Variants in TUSC3 observed in about 807,000 individuals in gnomAD.
TUSC3 encodes dolichyl-diphosphooligosaccharide--protein glycosyltransferase subunit TUSC3.
A neutral mutation model predicts 44.8 loss-of-function variants in TUSC3; 45 were observed. The observed-to-expected ratio is 1.00, with a 90% CI of 0.79 to 1.29. The LOEUF is 1.29. Ranked by LOEUF, TUSC3 falls within the 50% of genes most tolerant of loss-of-function variation. The pLI is 0.00. For synonymous variants in TUSC3, 212 were observed against 152.9 expected, an observed-to-expected ratio of 1.39 and a Z score of -2.85; for missense variants, 519 against 437.9, an observed-to-expected ratio of 1.19 and a Z score of -1.65.
At chr8:15,712,817 G>C (rs1809911479) in intron 6 of TUSC3, among the ~76,000 whole-genome samples, 1 of 152,050 alleles carries the variant, frequency 6.6e-6, no homozygotes, top group Non-Finnish European at 1.5e-5. Flanking sequence ...CACTTTAGAT[G>C]ACCTTATTTC....
intron 2 of TUSC3, among the ~76,000 whole-genome samples, chr8:15,514,160 C>A (rs1333646826): frequency 1.3e-5 from 2 of 152,112 alleles, no homozygotes; most frequent in Non-Finnish European, 2.9e-5. Context: ...ATTTACGCCG[C>A]ATTATTTAAG....
the TUSC3 span, among the ~76,000 whole-genome samples, chr8:15,831,306 C>T: frequency 1.3e-5 from 2 of 152,268 alleles, no homozygotes; most frequent in Admixed American, 1.3e-4. Context: ...ATCCAAAGGT[C>T]ATCAACTTCA....
At chr8:15,773,700 C>T in the TUSC3 span, among the ~76,000 whole-genome samples, 1 of 152,232 alleles carries the variant, frequency 6.6e-6, no homozygotes, top group South Asian at 2.1e-4. Context: ...ATAATGGAAA[C>T]ACAACTACCA....
chr8:15,846,677 C>T, the TUSC3 span, among the ~76,000 whole-genome samples: 1 of 151,974 alleles, frequency 6.6e-6, no homozygotes, highest in Non-Finnish European at 1.5e-5. Flanking sequence ...AATGAGAACA[C>T]ATGGACACAG....
At chr8:15,748,562 G>C (rs1271480153) in intron 9 of TUSC3, 97 bp downstream of exon 9, 1 of 1,205,736 alleles carries the variant, frequency 8.3e-7, no homozygotes, top group Admixed American at 1.7e-5. Flanking sequence ...TAAAGTTGCT[G>C]TGTGGTTTTT....
At chr8:15,568,570 A>G in intron 1 of TUSC3, among the ~76,000 whole-genome samples, 1 of 152,110 alleles carries the variant, frequency 6.6e-6, no homozygotes, top group African/African-American at 2.4e-5. Context: ...AGCTTTCATT[A>G]AGAAGATAAT....
the TUSC3 span, among the ~76,000 whole-genome samples, chr8:15,775,466 T>G: frequency 6.6e-6 from 1 of 152,016 alleles, no homozygotes; most frequent in Non-Finnish European, 1.5e-5. Context: ...TACCTGCATT[T>G]TATCACCACC....
chr8:15,618,188 A>G (rs1462713066), intron 1 of TUSC3, among the ~76,000 whole-genome samples: 1 of 152,210 alleles, frequency 6.6e-6, no homozygotes, highest in Non-Finnish European at 1.5e-5. Context: ...CTGGGACGTT[A>G]CTGTACACTA....
intron 2 of TUSC3, among the ~76,000 whole-genome samples, chr8:15,648,554 G>T (rs1235869185): frequency 1.3e-5 from 2 of 151,462 alleles, no homozygotes; most frequent in East Asian, 3.9e-4. Flanking sequence ...GTGAAACCCT[G>T]TTTCTACTAA....
chr8:15,594,475 G>C (rs1803983513), intron 1 of TUSC3, among the ~76,000 whole-genome samples: 1 of 152,048 alleles, frequency 6.6e-6, no homozygotes, highest in Non-Finnish European at 1.5e-5. Context: ...CATTTTGTTG[G>C]ATACTGGATA....
At chr8:15,505,078 A>G (rs1186867030) in intron 2 of TUSC3, among the ~76,000 whole-genome samples, 2 of 152,064 alleles carry the variant, frequency 1.3e-5, no homozygotes, top group Non-Finnish European at 2.9e-5. Flanking sequence ...TAGAAATTCC[A>G]CCTCCCACAT....
chr8:15,431,583 T>C (rs1050442721), intron 1 of TUSC3, among the ~76,000 whole-genome samples: 1 of 150,154 alleles, frequency 6.7e-6, no homozygotes, highest in Non-Finnish European at 1.5e-5. Flanking sequence ...GCAAACTCTT[T>C]AGAGGTTTCT....
intron 1 of TUSC3, among the ~76,000 whole-genome samples, chr8:15,588,753 T>C (rs1214237670): frequency 6.6e-6 from 1 of 152,188 alleles, no homozygotes; most frequent in Non-Finnish European, 1.5e-5. Context: ...AGGGTCCAGT[T>C]CACTTTCTGC....
At chr8:15,480,006 A>G (rs74770567) in intron 1 of TUSC3, among the ~76,000 whole-genome samples, 2,207 of 152,282 alleles carry the variant, frequency 0.014, 65 homozygotes, top group African/African-American at 0.05. Flanking sequence ...TACACTAGCA[A>G]TAGACAAGCA....
At chr8:15,849,404 C>A in the TUSC3 span, among the ~76,000 whole-genome samples, 4,643 of 152,250 alleles carry the variant, frequency 0.03, 222 homozygotes, top group African/African-American at 0.11. Context: ...AGACATATGC[C>A]TTTCTTATAA....
chr8:15,439,800 C>G (rs1488121247), intron 1 of TUSC3, among the ~76,000 whole-genome samples: 1 of 152,046 alleles, frequency 6.6e-6, no homozygotes, highest in South Asian at 2.1e-4. Flanking sequence ...TTATTCATTT[C>G]TGCCTTGCAC....
At chr8:15,545,394 T>C (rs1236344890) in intron 1 of TUSC3, among the ~76,000 whole-genome samples, 1 of 151,668 alleles carries the variant, frequency 6.6e-6, no homozygotes, top group Non-Finnish European at 1.5e-5. Context: ...AAATGGGCAG[T>C]ACACTTCTTT....
the TUSC3 span, among the ~76,000 whole-genome samples, chr8:15,771,686 A>G: frequency 6.6e-6 from 1 of 152,200 alleles, no homozygotes; most frequent in African/African-American, 2.4e-5. Context: ...TGGAAATTAG[A>G]AAACACCTGA....
At chr8:15,614,185 TTTTAA>T (rs1804888120) in intron 1 of TUSC3, among the ~76,000 whole-genome samples, 1 of 152,140 alleles carries the variant, frequency 6.6e-6, no homozygotes, top group Admixed American at 6.5e-5. Flanking sequence ...ACACATATTA[TTTTAA>T]TTAAGGTTTC....
Sources: gnomAD v4.1 joint callset for allele counts (sites outside exome capture counted in the v4.1 genomes callset) on GRCh38, gnomAD v4.1.1 for gene constraint, MANE v1.5 for transcripts, NCBI Gene and HGNC (gene_info 2026-07-23, HGNC 2026-07-21) for gene names.